Variants in PATJ observed in about 807,000 individuals in gnomAD.
The protein encoded by PATJ is inaD-like protein.
A neutral mutation model predicts 224.9 loss-of-function variants in PATJ; 190 were observed. The ratio of observed to expected loss-of-function variants is 0.84; its 90% CI spans 0.75 to 0.95. PATJ has a LOEUF of 0.95. Among genes scored for constraint, PATJ ranks in the 40% least tolerant of loss-of-function variants. The pLI is 0.00. For missense variants in PATJ, 2,121 were observed against 2,270.3 expected (o/e 0.93, Z 1.34); for synonymous variants, 769 against 820.3 (o/e 0.94, Z 1.07).
intron 17 of PATJ, among the ~76,000 whole-genome samples, chr1:61,837,308 C>T (rs1304679488): frequency 6.6e-6 from 1 of 152,198 alleles, no homozygotes; most frequent in Non-Finnish European, 1.5e-5. Flanking sequence ...TGTTTGTACT[C>T]TATCAATTCT....
chr1:61,868,636 A>C (rs904813355), intron 20 of PATJ, among the ~76,000 whole-genome samples: 2 of 152,058 alleles, frequency 1.3e-5, no homozygotes, highest in African/African-American at 4.8e-5. Flanking sequence ...TAAAAATAGA[A>C]AAATTAGCCA....
At chr1:61,812,573 G>A (rs898506053) in intron 14 of PATJ, among the ~76,000 whole-genome samples, 1 of 151,826 alleles carries the variant, frequency 6.6e-6, no homozygotes, top group Non-Finnish European at 1.5e-5. Context: ...TCTTGGCCAG[G>A]CACAGTGGCT....
At chr1:61,783,245 T>A (rs1421641461) in intron 7 of PATJ, among the ~76,000 whole-genome samples, 1 of 152,224 alleles carries the variant, frequency 6.6e-6, no homozygotes, top group African/African-American at 2.4e-5. Context: ...ATAGTTTCTT[T>A]AATTCCTTTA....
intron 28 of PATJ, among the ~76,000 whole-genome samples, chr1:62,009,987 G>A (rs1047322143): frequency 1.5e-4 from 22 of 150,538 alleles, no homozygotes; most frequent in African/African-American, 5.1e-4. Flanking sequence ...GGAAGCTGAG[G>A]CAGGAGAATC....
chr1:61,840,513 G>C (rs1480469420), intron 17 of PATJ, among the ~76,000 whole-genome samples: 1 of 151,574 alleles, frequency 6.6e-6, no homozygotes, highest in Non-Finnish European at 1.5e-5. Flanking sequence ...AAAAAACTTT[G>C]ACATATAAAT....
intron 40 of PATJ, among the ~76,000 whole-genome samples, chr1:62,128,639 C>G (rs1403559211): frequency 1.3e-5 from 2 of 152,168 alleles, no homozygotes; most frequent in Non-Finnish European, 2.9e-5. Flanking sequence ...AATGTGACCC[C>G]CTTCTTGTTG....
At chr1:62,049,762 G>A (rs1361019458) in intron 30 of PATJ, among the ~76,000 whole-genome samples, 5 of 152,156 alleles carry the variant, frequency 3.3e-5, no homozygotes, top group Admixed American at 3.3e-4. Flanking sequence ...GCAGGAAAAA[G>A]TCACGAAAGA....
intron 25 of PATJ, among the ~76,000 whole-genome samples, chr1:61,914,385 G>A (rs951234025): frequency 6.6e-6 from 1 of 152,184 alleles, no homozygotes; most frequent in Non-Finnish European, 1.5e-5. Flanking sequence ...GAACCCAGGA[G>A]GCGGAGGTTA....
intron 27 of PATJ, among the ~76,000 whole-genome samples, chr1:61,944,752 G>A (rs191402652): frequency 7.1e-4 from 108 of 152,208 alleles, no homozygotes; most frequent in African/African-American, 2.5e-3. Context: ...CTCAAGAAGA[G>A]CAACCCCAAG....
intron 28 of PATJ, among the ~76,000 whole-genome samples, chr1:61,997,997 TAATATA>T (rs1458500665): frequency 0.042 from 4,616 of 110,850 alleles, 420 homozygotes; most frequent in African/African-American, 0.12. Flanking sequence ...TATGTATATA[TAATATA>T]TTATATATAT....
intron 33 of PATJ, among the ~76,000 whole-genome samples, chr1:62,103,779 C>T (rs1319533206): frequency 6.6e-6 from 1 of 151,108 alleles, no homozygotes; most frequent in South Asian, 2.1e-4. Context: ...AAAAAGCAAT[C>T]TATCGCTTCC....
chr1:61,869,168 G>A (rs1446741427), intron 20 of PATJ, among the ~76,000 whole-genome samples: 4 of 140,996 alleles, frequency 2.8e-5, no homozygotes, highest in Admixed American at 7.0e-5. Flanking sequence ...GTGCAGTGGC[G>A]CCATCTCGGC....
intron 41 of PATJ, among the ~76,000 whole-genome samples, chr1:62,133,702 G>C (rs1027479661): frequency 6.6e-6 from 1 of 151,092 alleles, no homozygotes; most frequent in Non-Finnish European, 1.5e-5. Flanking sequence ...GGCTCCCCCA[G>C]CCTTTCTGAT....
chr1:61,928,148 G>A (rs973498269), intron 27 of PATJ, among the ~76,000 whole-genome samples: 1 of 152,104 alleles, frequency 6.6e-6, no homozygotes, highest in African/African-American at 2.4e-5. Flanking sequence ...AATTATCTGG[G>A]TTGGATGTAG....
chr1:61,783,783 T>A (rs1409450503), intron 7 of PATJ, among the ~76,000 whole-genome samples: 1 of 143,738 alleles, frequency 7.0e-6, no homozygotes, highest in Admixed American at 7.3e-5. Context: ...GGTGTTGCTC[T>A]GTTGCTCAGG....
intron 34 of PATJ, among the ~76,000 whole-genome samples, chr1:62,112,437 C>T (rs550340494): frequency 1.3e-5 from 2 of 152,166 alleles, no homozygotes; most frequent in Admixed American, 6.5e-5. Flanking sequence ...AACCGGAAAG[C>T]GGAGGCTGCA....
chr1:61,935,032 T>C (rs1676635176), intron 27 of PATJ, among the ~76,000 whole-genome samples: 1 of 152,232 alleles, frequency 6.6e-6, no homozygotes, highest in African/African-American at 2.4e-5. Context: ...CTTTGATCAC[T>C]TTGATCCCAG....
At chr1:62,144,894 G>C (rs1667890526) in intron 41 of PATJ, among the ~76,000 whole-genome samples, 1 of 151,176 alleles carries the variant, frequency 6.6e-6, no homozygotes, top group South Asian at 2.1e-4. Context: ...TTTTACTCTG[G>C]AGTGCAGTGA....
intron 14 of PATJ, among the ~76,000 whole-genome samples, chr1:61,820,807 T>C (rs1657104402): frequency 1.3e-5 from 2 of 152,188 alleles, no homozygotes; most frequent in South Asian, 4.1e-4. Flanking sequence ...CTCTTTGCCC[T>C]GTAGCATCTG....
Sources: gnomAD v4.1 joint callset for allele counts (sites outside exome capture counted in the v4.1 genomes callset) on GRCh38, gnomAD v4.1.1 for gene constraint, MANE v1.5 for transcripts, NCBI Gene and HGNC (gene_info 2026-07-23, HGNC 2026-07-21) for gene names.